ZIM2: variants seen among roughly 807,000 people sequenced by gnomAD.
ZIM2 encodes the protein zinc finger imprinted 2, also known as zinc finger protein 656.
A neutral mutation model predicts 38.6 loss-of-function variants in ZIM2; 14 were observed. That is an observed-to-expected ratio of 0.36 (90% CI 0.24 to 0.57). ZIM2 has a LOEUF of 0.57. Among genes scored for constraint, ZIM2 ranks in the 20% least tolerant of loss-of-function variants. ZIM2 has a pLI of 0.81. For synonymous variants in ZIM2, 247 were observed against 245.8 expected, an observed-to-expected ratio of 1.00 and a Z score of -0.04; for missense variants, 680 against 695.1, an observed-to-expected ratio of 0.98 and a Z score of 0.24.
chr19:56,815,640 C>T, intron 9 of ZIM2: 1 of 1,614,108 alleles, frequency 6.2e-7, no homozygotes, highest in Non-Finnish European at 8.5e-7. Flanking sequence ...TAGCACGAGC[C>T]TTCTGGTATT....
intron 9 of ZIM2, among the ~76,000 whole-genome samples, chr19:56,801,939 C>G (rs540001371): frequency 6.6e-6 from 1 of 152,288 alleles, no homozygotes; most frequent in East Asian, 1.9e-4. Context: ...GGATACCTAT[C>G]CATAAAGTAC....
chr19:56,776,582 T>G (rs2046021718), intron 12 of ZIM2, among the ~76,000 whole-genome samples: 1 of 152,198 alleles, frequency 6.6e-6, no homozygotes, highest in South Asian at 2.1e-4. Context: ...TAAACAAAGA[T>G]TCTCCTTTCT....
At position 56,811,390 on chromosome 19, in the gene ZIM2, T is replaced by G. The variant is rs1052472280; in HGVS notation, c.490+6356A>C. On this transcript the variant is annotated intron_variant, in intron 9 of 12. Transcript: ENST00000629319. The stretch of plus-strand genomic sequence containing the variant: ...TAACTGTAGTATAAATATACTTTCG[T>G]GTCCTGCTTTCTCCACTTAATGTTC... 3 of 869,324 alleles carry G rather than the reference T, an allele frequency of 3.5e-6. No individual in the cohort carries two copies. In the Admixed American group the frequency reaches 1.9e-4, roughly 54 times the overall value. The allele number at this position is 869,324 out of a possible 1,614,324, so 53.9% of individuals were successfully genotyped here.
rs376589761 is a variant in ZIM2 at position 56,814,640 on chromosome 19, C to A, written c.490+3106G>T. ...TGACTTCTCTGAAACTCAGTGAGGG[C>A]TAAGCCTGGAATGATAGCTTCCTCA... On this transcript the variant is annotated intron_variant, in intron 9 of 12. Coordinates refer to ENST00000629319, the MANE Select transcript of ZIM2 (RefSeq NM_001387356.1). The surrounding 1 kb of genome is among the most constrained non-coding windows in gnomAD (Gnocchi z 5.8). The A allele has an allele frequency of 1.2e-6, 2 of 1,614,160 alleles. No homozygotes were observed. Among genetic ancestry groups the A allele is most frequent in the Non-Finnish European group, 1.7e-6 (2 of 1,180,026 alleles).
chr19:56,838,842 T>G (rs563049204), intron 1 of ZIM2, among the ~76,000 whole-genome samples: 2 of 152,256 alleles, frequency 1.3e-5, no homozygotes, highest in East Asian at 1.9e-4. Context: ...ACAGCAACCG[T>G]GGCCCCGCCC....
intron 9 of ZIM2, among the ~76,000 whole-genome samples, chr19:56,794,224 A>AT (rs1333551539): frequency 6.6e-6 from 1 of 152,212 alleles, no homozygotes; most frequent in Non-Finnish European, 1.5e-5. Context: ...CGGTAATATT[A>AT]TAAGTGATTT....
In ZIM2 at chr19:56,775,451, G is replaced by A; in HGVS notation, c.914C>T (p.Pro305Leu). 3.1e-6 allele frequency: 5 copies of A among 1,613,964 alleles called. No individual in the cohort carries two copies. The highest frequency in any genetic ancestry group is 1.3e-5 in the African/African-American group (1 of 74,950). ...KLLTPITMNDPKTLTPERSYG... is the reference protein window; with the variant it reads ...KLLTPITMNDLKTLTPERSYG... Reference sequence around the variant, plus strand: ...GCTTCTTTCCGGAGTGAGGGTCTTGGGGTCATTCATTGTTATAGGAGTCAA... The same window carrying A: ...GCTTCTTTCCGGAGTGAGGGTCTTGAGGTCATTCATTGTTATAGGAGTCAA... The change falls in exon 13 of 13, where the codon CCC becomes CTC. Residue 305 changes from proline to leucine, a missense_variant. Coordinates refer to ENST00000629319, the MANE Select transcript of ZIM2 (RefSeq NM_001387356.1).
At position 56,822,782 on chromosome 19, in the gene ZIM2, C is replaced by T. The variant is rs531986471; in HGVS notation, c.161G>A (p.Arg54His). Residue 54 changes from arginine (R) to histidine (H), a missense_variant, in exon 6 of 13, where the codon CGC becomes CAC. Transcript: ENST00000629319. Reference protein sequence around the residue: ...GRSRDMEPRDRWSHTRNPRSR... With the variant: ...GRSRDMEPRDHWSHTRNPRSR... The stretch of plus-strand genomic sequence containing the variant: ...TCTTGGGTTCCTGGTGTGGGACCAG[C>T]GGTCTCGTGGCTCCATGTCTCTGCT... The T allele has an allele frequency of 8.1e-6, 13 of 1,614,104 alleles. No individual in the cohort carries two copies. Among genetic ancestry groups the T allele is most frequent in the Admixed American group, 1.7e-5 (1 of 60,022 alleles).
chr19:56,786,901 A>G (rs1031902548), intron 10 of ZIM2, among the ~76,000 whole-genome samples: 4 of 152,232 alleles, frequency 2.6e-5, no homozygotes, highest in East Asian at 1.9e-4. Context: ...CAGTGGTGCA[A>G]TCTCAGCTCC....
In ZIM2 at chr19:56,774,630, A is replaced by G. The variant is rs1013174886; in HGVS notation, c.*58T>C. 27 of 1,562,058 alleles carry G rather than the reference A, an allele frequency of 1.7e-5. No individual in the cohort carries two copies. Among genetic ancestry groups the G allele is most frequent in the Admixed American group, 5.4e-5 (3 of 55,958 alleles). ...AGTGAAAGGCCTTCTCACACTCACA[A>G]CACTCTAGGAGGAAGCCAATAATGT... On this transcript the variant is annotated 3_prime_UTR_variant, in exon 13 of 13. Coordinates refer to ENST00000629319, the MANE Select transcript of ZIM2 (RefSeq NM_001387356.1).
chr19:56,806,381 C>G (rs2047756879), intron 9 of ZIM2, among the ~76,000 whole-genome samples: 1 of 152,104 alleles, frequency 6.6e-6, no homozygotes, highest in Non-Finnish European at 1.5e-5. Flanking sequence ...GATGGTTGCT[C>G]CAGTTCCTAC....
At chr19:56,832,544 T>C (rs10423957) in intron 2 of ZIM2, among the ~76,000 whole-genome samples, 3,206 of 152,290 alleles carry the variant, frequency 0.021, 114 homozygotes, top group African/African-American at 0.073. Context: ...AAAGCTTCCA[T>C]ATCTCCCTCT....
intron 2 of ZIM2, among the ~76,000 whole-genome samples, chr19:56,835,604 T>C (rs2062013767): frequency 6.6e-6 from 1 of 152,236 alleles, no homozygotes; most frequent in African/African-American, 2.4e-5. Context: ...AACAATTATG[T>C]TTTCCACAGC....
At chr19:56,807,260 G>A (rs1312378869) in intron 9 of ZIM2, among the ~76,000 whole-genome samples, 1 of 152,158 alleles carries the variant, frequency 6.6e-6, no homozygotes, top group African/African-American at 2.4e-5. Flanking sequence ...GATCCCTGAA[G>A]ACTAATTCAA....
intron 2 of ZIM2, among the ~76,000 whole-genome samples, chr19:56,834,182 T>TAA (rs1259615382): frequency 6.6e-6 from 1 of 152,098 alleles, no homozygotes; most frequent in Non-Finnish European, 1.5e-5. Flanking sequence ...GAGGGAGTAC[T>TAA]AAAAAGTAGG....
chr19:56,784,371 A>G (rs2145876137), intron 10 of ZIM2, among the ~76,000 whole-genome samples: 1 of 152,308 alleles, frequency 6.6e-6, no homozygotes, highest in South Asian at 2.1e-4. Context: ...TTATTATATT[A>G]AAAAAAGATT....
intron 2 of ZIM2, among the ~76,000 whole-genome samples, chr19:56,831,220 G>A (rs1368880978): frequency 6.6e-6 from 1 of 152,134 alleles, no homozygotes; most frequent in African/African-American, 2.4e-5. Flanking sequence ...TAAGCACTAG[G>A]ACAAATATAC....
chr19:56,829,237 A>G (rs13345716), intron 2 of ZIM2, among the ~76,000 whole-genome samples: 3,181 of 151,620 alleles, frequency 0.021, 115 homozygotes, highest in African/African-American at 0.072. Context: ...CCAGCTACTC[A>G]GGAGGCTGAG....
intron 2 of ZIM2, among the ~76,000 whole-genome samples, chr19:56,828,502 C>T (rs1389924629): frequency 6.6e-6 from 1 of 152,124 alleles, no homozygotes; most frequent in Non-Finnish European, 1.5e-5. Flanking sequence ...CAGCAGAGAA[C>T]AGGGACAGTC....
Sources: gnomAD v4.1 joint callset for allele counts (sites outside exome capture counted in the v4.1 genomes callset) on GRCh38, gnomAD v4.1.1 for gene constraint, Gnocchi (gnomAD v3.1) non-coding constraint, MANE v1.5 for transcripts, NCBI Gene and HGNC (gene_info 2026-07-23, HGNC 2026-07-21) for gene names.